Variants in ZMAT4 observed in about 807,000 individuals in gnomAD.
ZMAT4 encodes zinc finger matrin-type protein 4.
Under a neutral mutation model 28.7 loss-of-function variants are expected in ZMAT4, and 17 were observed. The ratio of observed to expected loss-of-function variants is 0.59; its 90% CI spans 0.41 to 0.89. The LOEUF is 0.89. Among genes scored for constraint, ZMAT4 ranks in the 40% least tolerant of loss-of-function variants. The pLI, the probability that ZMAT4 is intolerant of heterozygous loss-of-function variation, is 0.00. For synonymous variants in ZMAT4, 117 were observed against 109.2 expected, an observed-to-expected ratio of 1.07 and a Z score of -0.44; for missense variants, 240 against 283.8, an observed-to-expected ratio of 0.85 and a Z score of 1.11.
intron 2 of ZMAT4, among the ~76,000 whole-genome samples, chr8:40,809,418 A>C (rs1426382881): frequency 6.6e-6 from 1 of 152,172 alleles, no homozygotes; most frequent in African/African-American, 2.4e-5. Context: ...CCACAGTATC[A>C]TGCAATATAC....
At chr8:40,747,072 C>T (rs1271392643) in intron 3 of ZMAT4, among the ~76,000 whole-genome samples, 5 of 152,182 alleles carry the variant, frequency 3.3e-5, no homozygotes, top group African/African-American at 1.2e-4. Flanking sequence ...CCCTTCCCGG[C>T]TGTGCTCACT....
At chr8:40,814,540 G>T (rs149291611) in intron 2 of ZMAT4, among the ~76,000 whole-genome samples, 1 of 152,144 alleles carries the variant, frequency 6.6e-6, no homozygotes, top group Non-Finnish European at 1.5e-5. Flanking sequence ...GTTTTATCAA[G>T]GCTACCAAGG....
At chr8:40,612,793 C>A (rs531353133) in intron 5 of ZMAT4, among the ~76,000 whole-genome samples, 1 of 116,076 alleles carries the variant, frequency 8.6e-6, no homozygotes, top group South Asian at 2.7e-4. Flanking sequence ...CCCAGTCATT[C>A]TCTGTATTTT....
intron 5 of ZMAT4, among the ~76,000 whole-genome samples, chr8:40,660,638 G>A (rs945257483): frequency 1.3e-5 from 2 of 152,130 alleles, no homozygotes; most frequent in African/African-American, 4.8e-5. Flanking sequence ...TTGGTCCTGG[G>A]TATAGAGTCA....
intron 5 of ZMAT4, among the ~76,000 whole-genome samples, chr8:40,671,676 A>T (rs1355430413): frequency 6.6e-6 from 1 of 152,186 alleles, no homozygotes; most frequent in Non-Finnish European, 1.5e-5. Context: ...GTTGGAGTTG[A>T]CATGGGAATT....
At chr8:40,723,119 G>A (rs10097563) in intron 3 of ZMAT4, among the ~76,000 whole-genome samples, 44,337 of 152,030 alleles carry the variant, frequency 0.29, 7,036 homozygotes, top group Non-Finnish European at 0.36. Context: ...GCTTAGAACT[G>A]TAACCCCCAG....
intron 3 of ZMAT4, among the ~76,000 whole-genome samples, chr8:40,734,398 C>T (rs951498276): frequency 6.6e-6 from 1 of 152,172 alleles, no homozygotes; most frequent in East Asian, 1.9e-4. Flanking sequence ...TGCGTGTGAA[C>T]CACAATTGAC....
At chr8:40,568,175 T>C (rs1471617787) in intron 6 of ZMAT4, among the ~76,000 whole-genome samples, 1 of 152,122 alleles carries the variant, frequency 6.6e-6, no homozygotes, top group African/African-American at 2.4e-5. Context: ...TAATTGTACA[T>C]GACTGACAAA....
chr8:40,791,536 C>T (rs1004239670), intron 2 of ZMAT4, among the ~76,000 whole-genome samples: 1 of 152,196 alleles, frequency 6.6e-6, no homozygotes, highest in Non-Finnish European at 1.5e-5. Context: ...TCACACAGGT[C>T]CTTCGCCCTG....
intron 2 of ZMAT4, among the ~76,000 whole-genome samples, chr8:40,813,848 A>AGGCCT (rs1360926032): frequency 6.6e-6 from 1 of 152,254 alleles, no homozygotes; most frequent in Non-Finnish European, 1.5e-5. Context: ...GCCTGTAGAG[A>AGGCCT]GGCTCAGAAG....
intron 5 of ZMAT4, among the ~76,000 whole-genome samples, chr8:40,662,941 C>T (rs1178388507): frequency 6.6e-6 from 1 of 152,152 alleles, no homozygotes; most frequent in Non-Finnish European, 1.5e-5. Context: ...CCTCCAGGCC[C>T]TCAGCAGGCC....
At chr8:40,568,827 T>G (rs890974870) in intron 6 of ZMAT4, among the ~76,000 whole-genome samples, 2 of 152,122 alleles carry the variant, frequency 1.3e-5, no homozygotes, top group African/African-American at 4.8e-5. Context: ...CAGTCCACAA[T>G]AACCTTTCTT....
At chr8:40,741,434 G>A (rs1205917611) in intron 3 of ZMAT4, among the ~76,000 whole-genome samples, 3 of 146,060 alleles carry the variant, frequency 2.1e-5, no homozygotes, top group Non-Finnish European at 4.5e-5. Context: ...ACGAAAGAGC[G>A]GAAGTCTGTC....
intron 1 of ZMAT4, among the ~76,000 whole-genome samples, chr8:40,828,167 C>G (rs1311429401): frequency 6.6e-6 from 1 of 152,212 alleles, no homozygotes; most frequent in Non-Finnish European, 1.5e-5. Context: ...GGTCTCCATT[C>G]ATGTCCCAGA....
At chr8:40,632,714 G>C (rs1377610705) in intron 5 of ZMAT4, among the ~76,000 whole-genome samples, 1 of 152,188 alleles carries the variant, frequency 6.6e-6, no homozygotes, top group Non-Finnish European at 1.5e-5. Flanking sequence ...GATTTCTGAA[G>C]TCTGCCCTAC....
intron 1 of ZMAT4, among the ~76,000 whole-genome samples, chr8:40,890,410 A>AAT (rs1818627583): frequency 6.6e-6 from 1 of 151,966 alleles, no homozygotes; most frequent in African/African-American, 2.4e-5. Context: ...CCTCCCGGGG[A>AAT]TGAATAATTC....
At position 40,549,885 on chromosome 8, in the gene ZMAT4, A is replaced by G. The variant is rs117211277; in HGVS notation, c.675-17647T>C. On this transcript the variant is annotated intron_variant, in intron 6 of 6. Coordinates refer to ENST00000297737, the MANE Select transcript of ZMAT4 (RefSeq NM_024645.3). ...CTAATGTACTGAGAATTTCTTTGAC[A>G]TTATTTCTCAATATTCTCCCTTTTT... Among the ~76,000 whole-genome samples the G allele has an allele frequency of 5.1e-3, 771 of 152,266 alleles. 2 individuals carry two copies. The highest frequency in any genetic ancestry group is 7.9e-3 in the Non-Finnish European group (537 of 68,022).
intron 2 of ZMAT4, among the ~76,000 whole-genome samples, chr8:40,805,670 T>C (rs1206079684): frequency 6.7e-6 from 1 of 148,444 alleles, no homozygotes; most frequent in Non-Finnish European, 1.5e-5. Context: ...ATCATCATTC[T>C]CAGTAAACTA....
At chr8:40,644,647 C>T (rs1807217964) in intron 5 of ZMAT4, among the ~76,000 whole-genome samples, 1 of 152,040 alleles carries the variant, frequency 6.6e-6, no homozygotes, top group African/African-American at 2.4e-5. Flanking sequence ...GATACTCCAC[C>T]CTCAAGGAGG....
Sources: gnomAD v4.1 joint callset for allele counts (sites outside exome capture counted in the v4.1 genomes callset) on GRCh38, gnomAD v4.1.1 for gene constraint, MANE v1.5 for transcripts, NCBI Gene and HGNC (gene_info 2026-07-23, HGNC 2026-07-21) for gene names.